THADA: variants seen among roughly 807,000 people sequenced by gnomAD.
THADA encodes tRNA (32-2'-O)-methyltransferase regulator THADA.
Under a neutral mutation model 219.8 loss-of-function variants are expected in THADA, and 213 were observed. The ratio of observed to expected loss-of-function variants is 0.97; its 90% confidence interval spans 0.87 to 1.09. The LOEUF (loss-of-function observed/expected upper bound fraction) is 1.09. THADA is among the 50% of genes least tolerant of loss of function. THADA has a pLI of 0.00. For synonymous variants in THADA, 1,018 were observed against 828.9 expected (o/e 1.23, Z -3.92); for missense variants, 2,956 against 2,311.3 (o/e 1.28, Z -5.72).
intron 28 of THADA, among the ~76,000 whole-genome samples, chr2:43,413,535 T>A (rs1455954863): frequency 1.3e-5 from 2 of 152,204 alleles, no homozygotes; most frequent in Non-Finnish European, 2.9e-5. Context: ...ATACTACATT[T>A]CTAGTTGTGG....
At chr2:43,578,313 T>TG in intron 9 of THADA, among the ~76,000 whole-genome samples, 200 bp downstream of exon 9, 1 of 143,910 alleles carries the variant, frequency 6.9e-6, no homozygotes, top group African/African-American at 2.8e-5. Flanking sequence ...CAGCAAATTT[T>TG]CTTTTTTTTT....
Position 43,344,130 on chromosome 2 carries a change from C to T in THADA, c.4335G>A (p.Leu1445=), listed in dbSNP as rs111427377. The T allele has an allele frequency of 1.2e-6, 2 of 1,607,716 alleles. No individual in the cohort carries two copies. The highest frequency in any genetic ancestry group is 1.7e-6 in the Non-Finnish European group (2 of 1,176,836). The part of the protein sequence containing the change: ...ITVCTKAKLW[L]AKRQNPCLVT... ...GTGGGATTTTAACATACCTCTTGGCCAGCCAGAGTTTGGCTTTGGTACAAA... is the reference window on the plus strand; with the variant it reads ...GTGGGATTTTAACATACCTCTTGGCTAGCCAGAGTTTGGCTTTGGTACAAA... The change falls in exon 30 of 38, where the codon CTG becomes CTA. Residue 1445 remains leucine (L), a synonymous_variant. Transcript: ENST00000405975.
At chr2:43,523,257 T>C (rs954599552) in intron 22 of THADA, among the ~76,000 whole-genome samples, 1 of 151,868 alleles carries the variant, frequency 6.6e-6, no homozygotes, top group Non-Finnish European at 1.5e-5. Flanking sequence ...TCCTAGCTAC[T>C]TGGGAGGCTG....
intron 26 of THADA, among the ~76,000 whole-genome samples, chr2:43,468,874 T>G (rs924175921): frequency 6.6e-6 from 1 of 152,176 alleles, no homozygotes; most frequent in Non-Finnish European, 1.5e-5. Flanking sequence ...CATTTTATGA[T>G]TGACCCTGAG....
intron 20 of THADA, among the ~76,000 whole-genome samples, chr2:43,548,149 G>T (rs1342888306): frequency 2.6e-5 from 4 of 152,180 alleles, no homozygotes. Context: ...CTGTTTGCCT[G>T]GGTACCAGCA....
At chr2:43,533,816 G>T (rs919197837) in intron 21 of THADA, among the ~76,000 whole-genome samples, 1 of 152,028 alleles carries the variant, frequency 6.6e-6, no homozygotes, top group Non-Finnish European at 1.5e-5. Context: ...TAGATGACAG[G>T]TTGATAGGTG....
chr2:43,576,897 C>T (rs1035334202), intron 10 of THADA, 125 bp downstream of exon 10: 60 of 803,978 alleles, frequency 7.5e-5, no homozygotes, highest in Non-Finnish European at 2.4e-5. Context: ...TCAAGTGATC[C>T]TCTTGCCTCA....
intron 31 of THADA, among the ~76,000 whole-genome samples, chr2:43,318,468 ATTTTAT>A (rs1186011557): frequency 2.6e-5 from 4 of 152,200 alleles, no homozygotes. Context: ...TTATTGAGGA[ATTTTAT>A]TTTTAACTCA....
At position 43,572,835 on chromosome 2, in the gene THADA, GC is replaced by G; in HGVS notation, c.1886del (p.Gly629AlafsTer2). On this transcript the variant is annotated frameshift_variant, in exon 12 of 38. Transcript: ENST00000405975. LOFTEE classifies it high-confidence loss of function. ...NLVSDARIKQ[G>X]LIHQHCQVRI... ...TTACTTGGCAATGCTGATGAATTAA[GC>G]CTTGCTTTATTCTTGCATCAGACAC... 1 of 1,613,690 alleles carries G rather than the reference GC, an allele frequency of 6.2e-7. No homozygotes were observed. Among genetic ancestry groups the G allele is most frequent in the Non-Finnish European group, 8.5e-7 (1 of 1,179,776 alleles).
chr2:43,252,778 A>G (rs554813912), intron 36 of THADA, among the ~76,000 whole-genome samples: 1 of 152,004 alleles, frequency 6.6e-6, no homozygotes, highest in Non-Finnish European at 1.5e-5. Flanking sequence ...CTCTCCCCAA[A>G]CCCAATCTAC....
At chr2:43,589,752 T>C (rs1416615030) in intron 4 of THADA, among the ~76,000 whole-genome samples, 2 of 152,060 alleles carry the variant, frequency 1.3e-5, no homozygotes, top group African/African-American at 4.8e-5. Flanking sequence ...GCTCAGGTGA[T>C]GTGTGCACCA....
chr2:43,463,767 A>G (rs1047174557), intron 26 of THADA, among the ~76,000 whole-genome samples: 2 of 152,202 alleles, frequency 1.3e-5, no homozygotes, highest in African/African-American at 4.8e-5. Context: ...TGAATTACTA[A>G]AAGTAAAGAA....
At chr2:43,550,398 T>C (rs1235942020) in intron 19 of THADA, among the ~76,000 whole-genome samples, 3 of 152,128 alleles carry the variant, frequency 2.0e-5, no homozygotes, top group South Asian at 4.1e-4. Context: ...TCAACAGCCA[T>C]GAAAAACTAA....
rs1025257515 is a variant in THADA at position 43,338,916 on chromosome 2, G to C, written c.4343+5206C>G. Among the ~76,000 whole-genome samples the C allele has an allele frequency of 2.0e-5, 3 of 152,052 alleles. No homozygotes were observed. The East Asian group carries it at 5.8e-4, about 29-fold the overall frequency. ...AGTAATTCTATTTTCAATTTTTTGA[G>C]GAAATATCATACTGTTTTCCACAGT... On this transcript the variant is annotated intron_variant, in intron 30 of 37. Transcript: ENST00000405975.
intron 36 of THADA, among the ~76,000 whole-genome samples, chr2:43,253,666 C>A (rs1382926940): frequency 6.6e-6 from 1 of 152,094 alleles, no homozygotes; most frequent in Non-Finnish European, 1.5e-5. Context: ...AAATGCTGCC[C>A]ACCTTTAATT....
chr2:43,530,519 G>T (rs1267086350), intron 21 of THADA, among the ~76,000 whole-genome samples: 1 of 152,160 alleles, frequency 6.6e-6, no homozygotes. Flanking sequence ...TCGATTATTA[G>T]AGAAACAAGA....
intron 24 of THADA, among the ~76,000 whole-genome samples, chr2:43,504,684 A>G (rs1689433058): frequency 6.6e-6 from 1 of 152,112 alleles, no homozygotes; most frequent in Non-Finnish European, 1.5e-5. Context: ...TTCGAGACCA[A>G]CCTGGCCAAC....
intron 27 of THADA, 138 bp downstream of exon 27, chr2:43,430,075 C>G (rs1679036704): frequency 4.2e-6 from 2 of 472,468 alleles, no homozygotes; most frequent in South Asian, 9.0e-5. Context: ...GGGAAAGACC[C>G]TGTCTCAAGG....
At chr2:43,260,490 C>T (rs1670813691) in intron 36 of THADA, among the ~76,000 whole-genome samples, 1 of 152,118 alleles carries the variant, frequency 6.6e-6, no homozygotes, top group Admixed American at 6.5e-5. Context: ...CCTGAAGTCC[C>T]ACCTACTTGG....
Sources: gnomAD v4.1 joint callset for allele counts (sites outside exome capture counted in the v4.1 genomes callset) on GRCh38, gnomAD v4.1.1 for gene constraint, MANE v1.5 for transcripts, NCBI Gene and HGNC (gene_info 2026-07-23, HGNC 2026-07-21) for gene names.